The following KIF13A variants were observed in gnomAD, a reference collection of about 807,000 sequenced individuals.
KIF13A encodes kinesin family member 13A.
Under a neutral mutation model 212.2 loss-of-function variants are expected in KIF13A, and 79 were observed. That is an observed-to-expected ratio of 0.37 (90% CI 0.31 to 0.45). The LOEUF (loss-of-function observed/expected upper bound fraction) is 0.45, where lower values mean the gene tolerates loss of function less well. Ranked by LOEUF, KIF13A falls within the 20% of genes least tolerant of loss-of-function variation. The probability of loss-of-function intolerance (pLI) is 1.00; values close to 1 mark genes in which losing one functional copy is unlikely to be tolerated. For missense variants in KIF13A, 1,901 were observed against 2,209.0 expected (o/e 0.86, Z 2.79); for synonymous variants, 789 against 808.6 (o/e 0.98, Z 0.41).
chr6:17,942,518 T>C (rs1239510987), intron 2 of KIF13A, among the ~76,000 whole-genome samples: 1 of 152,134 alleles, frequency 6.6e-6, no homozygotes, highest in Non-Finnish European at 1.5e-5. Flanking sequence ...GCAGCAAGTA[T>C]TAAATGAGAT....
intron 2 of KIF13A, among the ~76,000 whole-genome samples, chr6:17,916,279 C>G (rs1262502545): frequency 6.6e-6 from 1 of 152,264 alleles, no homozygotes; most frequent in Non-Finnish European, 1.5e-5. Context: ...ATCCAAGGAC[C>G]CATTTTAAAT....
In KIF13A at chr6:17,963,247, G is replaced by A. The variant is rs1200010362; in HGVS notation, c.146+23807C>T. ...AGCCTGGCCAACATGGCGAAGCTCC[G>A]TCTCTACTAAAAATACAAAAATTAG... On this transcript the variant is annotated intron_variant, in intron 2 of 38. Coordinates refer to ENST00000259711, the MANE Select transcript of KIF13A (RefSeq NM_022113.6). The surrounding 1 kb of genome is among the most constrained non-coding windows in gnomAD (Gnocchi z 4.1). Among the ~76,000 whole-genome samples, 5 of 152,018 alleles carry A rather than the reference G, an allele frequency of 3.3e-5. No individual in the cohort carries two copies. The highest frequency in any genetic ancestry group is 1.9e-4 in the East Asian group (1 of 5,134).
In KIF13A at chr6:17,783,552, AAG is replaced by A; in HGVS notation, c.3544+92_3544+93del. 2.3e-6 allele frequency: 2 copies of A among 866,580 alleles called. No individual in the cohort carries two copies. Among genetic ancestry groups the A allele is most frequent in the South Asian group, 2.9e-5 (2 of 69,476 alleles). 53.7% of individuals were successfully genotyped at this position (866,580 alleles called of 1,614,324 possible). A position where few individuals can be genotyped will look rare whatever the true frequency, so the allele number is the denominator to read the frequency against. On this transcript the variant is annotated intron_variant, in intron 29 of 38. Coordinates refer to ENST00000259711, the MANE Select transcript of KIF13A (RefSeq NM_022113.6). This position sits in a 1 kb window ranked among gnomAD's most constrained non-coding sequence, Gnocchi z 4.3. ...CCCAATTTGGCACATGAATGATTAG[AAG>A]AGTGATTTAAGGATCAAAATAATGT...
intron 19 of KIF13A, among the ~76,000 whole-genome samples, chr6:17,804,886 C>T (rs12213755): frequency 7.2e-6 from 1 of 138,022 alleles, no homozygotes; most frequent in East Asian, 2.5e-4. Context: ...GGGGAGCTAA[C>T]TAATGCCTGT....
chr6:17,929,404 A>ATTTTT (rs35396541), intron 2 of KIF13A, among the ~76,000 whole-genome samples: 2 of 145,232 alleles, frequency 1.4e-5, no homozygotes, highest in Admixed American at 6.8e-5. Context: ...ACTCTCGACT[A>ATTTTT]TTTTTTTTTT....
At position 17,780,825 on chromosome 6, in the gene KIF13A, A is replaced by G; in HGVS notation, c.3751T>C (p.Tyr1251His). ...NRVTPQNERI[Y>H]LIVKTTVQLS... ...TGAACTGTGGTTTTCACAATTAGGT[A>G]AATCCTTTCATTCTGTGGTGTGACC... The change falls in exon 31 of 39, where the codon TAC becomes CAC. Residue 1251 changes from tyrosine to histidine, a missense_variant. This residue lies in a region of KIF13A where 687 missense variants were observed against 759.1 expected (regional missense o/e 0.90). Coordinates refer to ENST00000259711, the MANE Select transcript of KIF13A (RefSeq NM_022113.6). 6.2e-7 allele frequency: 1 copy of G among 1,613,922 alleles called. No homozygotes were observed.
chr6:17,859,326 A>C (rs945929913), intron 4 of KIF13A, among the ~76,000 whole-genome samples: 1 of 152,054 alleles, frequency 6.6e-6, no homozygotes, highest in African/African-American at 2.4e-5. Context: ...GAGTAGGCCA[A>C]GCATGGTGGC....
At chr6:17,954,822 C>T (rs1056596035) in intron 2 of KIF13A, among the ~76,000 whole-genome samples, 1 of 152,006 alleles carries the variant, frequency 6.6e-6, no homozygotes, top group African/African-American at 2.4e-5. Context: ...CACAGGCACA[C>T]AGCATCACAC....
At chr6:17,827,311 G>A (rs139515113) in intron 14 of KIF13A, among the ~76,000 whole-genome samples, 4,972 of 151,930 alleles carry the variant, frequency 0.033, 163 homozygotes, top group Admixed American at 0.056. Flanking sequence ...TGCTCAGGCT[G>A]GTCTTGAACT....
At chr6:17,857,377 G>GT (rs1170934646) in intron 4 of KIF13A, among the ~76,000 whole-genome samples, 3 of 152,192 alleles carry the variant, frequency 2.0e-5, no homozygotes, top group African/African-American at 7.2e-5. Context: ...TCTCATGATA[G>GT]TGAGTTCTTA....
Position 17,914,435 on chromosome 6 carries a change from C to T in KIF13A, c.147-16255G>A, listed in dbSNP as rs971648658. ...AACTTGAGATGAATATGAGTACATCCACAATAACTATTAATTTAACACAAT... is the reference window on the plus strand; with the variant it reads ...AACTTGAGATGAATATGAGTACATCTACAATAACTATTAATTTAACACAAT... On this transcript the variant is annotated intron_variant, in intron 2 of 38. Coordinates refer to ENST00000259711, the MANE Select transcript of KIF13A (RefSeq NM_022113.6). This position sits in a 1 kb window ranked among gnomAD's most constrained non-coding sequence, Gnocchi z 5.9. 1.3e-5 allele frequency among the ~76,000 whole-genome samples: 2 copies of T among 151,974 alleles called. No individual in the cohort carries two copies. Among genetic ancestry groups the T allele is most frequent in the South Asian group, 2.1e-4 (1 of 4,822 alleles).
At chr6:17,977,647 G>A (rs1780690719) in intron 2 of KIF13A, among the ~76,000 whole-genome samples, 1 of 152,142 alleles carries the variant, frequency 6.6e-6, no homozygotes, top group African/African-American at 2.4e-5. Flanking sequence ...ACATGGGCAA[G>A]GACAAAATAA....
intron 9 of KIF13A, among the ~76,000 whole-genome samples, chr6:17,840,694 C>T (rs1766423958): frequency 6.6e-6 from 1 of 151,834 alleles, no homozygotes; most frequent in African/African-American, 2.4e-5. Flanking sequence ...TCTAGTACTC[C>T]TAAATGTAGA....
At chr6:17,962,080 A>T (rs1778861805) in intron 2 of KIF13A, among the ~76,000 whole-genome samples, 1 of 152,088 alleles carries the variant, frequency 6.6e-6, no homozygotes, top group Non-Finnish European at 1.5e-5. Flanking sequence ...TAGTCCCAGC[A>T]CTTTAGGAGG....
In KIF13A at chr6:17,890,225, T is replaced by A. The variant is rs116106082; in HGVS notation, c.159+7943A>T. Among the ~76,000 whole-genome samples the A allele has an allele frequency of 6.9e-3, 1,041 of 150,936 alleles. 9 individuals carry two copies. Among genetic ancestry groups the A allele is most frequent in the African/African-American group, 0.024 (984 of 41,096 alleles). On this transcript the variant is annotated intron_variant, in intron 3 of 38. Transcript: ENST00000259711. ...AAAAAAATCTCTTCTAGCTATGTAC[T>A]GCTAACTTGGGACATAGAAGGTTCT...
chr6:17,773,622 C>A lies in KIF13A; in HGVS notation c.4219-39G>T. On this transcript the variant is annotated intron_variant, in intron 35 of 38. Coordinates refer to ENST00000259711, the MANE Select transcript of KIF13A (RefSeq NM_022113.6). This position sits in a 1 kb window ranked among gnomAD's most constrained non-coding sequence, Gnocchi z 4.2. ...ATATGGGTTAACTGTAATTGAATCA[C>A]TCCAAAATAAGAAATAAAGCCCAGG... 2 of 1,184,006 alleles carry A rather than the reference C, an allele frequency of 1.7e-6. No homozygotes were observed. The highest frequency in any genetic ancestry group is 2.0e-5 in the Admixed American group (1 of 49,332). 73.3% of individuals were successfully genotyped at this position (1,184,006 alleles called of 1,614,324 possible).
Position 17,987,316 on chromosome 6 carries a change from C to G in KIF13A, c.55+93G>C. 9.8e-7 allele frequency: 1 copy of G among 1,018,136 alleles called. No homozygotes were observed. The highest frequency in any genetic ancestry group is 6.9e-5 in the East Asian group (1 of 14,418). The allele number at this position is 1,018,136 out of a possible 1,614,324, so 63.1% of individuals were successfully genotyped here. A position where few individuals can be genotyped will look rare whatever the true frequency, so the allele number is the denominator to read the frequency against. On this transcript the variant is annotated intron_variant, in intron 1 of 38. Coordinates refer to ENST00000259711, the MANE Select transcript of KIF13A (RefSeq NM_022113.6). The surrounding 1 kb of genome is among the most constrained non-coding windows in gnomAD (Gnocchi z 7.7). Reference sequence around the variant, plus strand: ...CGCCTCCGCCCCGGCCCCCCGGCCCCGGCCGCGCTCTCGCCGTCCCGGCCC... The same window carrying G: ...CGCCTCCGCCCCGGCCCCCCGGCCCGGGCCGCGCTCTCGCCGTCCCGGCCC...
intron 4 of KIF13A, among the ~76,000 whole-genome samples, chr6:17,865,609 A>T (rs1296131142): frequency 6.6e-6 from 1 of 152,232 alleles, no homozygotes; most frequent in Non-Finnish European, 1.5e-5. Context: ...TGCAGCTTTC[A>T]AAAATTCTCA....
chr6:17,940,653 G>T (rs939383455), intron 2 of KIF13A, among the ~76,000 whole-genome samples: 25 of 152,074 alleles, frequency 1.6e-4, no homozygotes, highest in African/African-American at 6.0e-4. Context: ...ATAAAAGACA[G>T]CAGAAGGCAG....
Sources: gnomAD v4.1 joint callset for allele counts (sites outside exome capture counted in the v4.1 genomes callset) on GRCh38, gnomAD v4.1.1 for gene constraint, gnomAD v4.1.1 regional missense constraint, Gnocchi (gnomAD v3.1) non-coding constraint, MANE v1.5 for transcripts, NCBI Gene and HGNC (gene_info 2026-07-23, HGNC 2026-07-21) for gene names.